MAGI1: variants seen among roughly 807,000 people sequenced by gnomAD.
MAGI1 encodes the protein membrane associated guanylate kinase, WW and PDZ domain containing 1, also known as membrane-associated guanylate kinase, WW and PDZ domain-containing protein 1.
A neutral mutation model predicts 139.9 loss-of-function variants in MAGI1; 58 were observed. That is an observed-to-expected ratio of 0.41 (90% CI 0.34 to 0.52). MAGI1 has a LOEUF of 0.52. Among genes scored for constraint, MAGI1 ranks in the 20% least tolerant of loss-of-function variants. MAGI1 has a pLI of 0.12. For missense variants in MAGI1, 1,874 were observed against 1,901.6 expected (o/e 0.99, Z 0.27); for synonymous variants, 812 against 737.9 (o/e 1.10, Z -1.63).
intron 1 of MAGI1, among the ~76,000 whole-genome samples, chr3:65,936,780 G>A (rs965397601): frequency 2.0e-5 from 3 of 152,096 alleles, no homozygotes; most frequent in East Asian, 3.9e-4. Context: ...CATCGAGGCT[G>A]GAGTACAGTA....
At chr3:65,370,585 C>T (rs1367377449) in intron 18 of MAGI1, among the ~76,000 whole-genome samples, 2 of 152,028 alleles carry the variant, frequency 1.3e-5, no homozygotes, top group African/African-American at 4.8e-5. Context: ...TTGGATAATC[C>T]ACCTTGCATG....
chr3:65,604,816 T>C (rs912180445), intron 2 of MAGI1, among the ~76,000 whole-genome samples: 2 of 151,980 alleles, frequency 1.3e-5, no homozygotes, highest in Admixed American at 1.3e-4. Context: ...TAAACAAAAT[T>C]CCTATGACTG....
intron 1 of MAGI1, among the ~76,000 whole-genome samples, chr3:65,944,915 T>C (rs577772125): frequency 5.1e-4 from 77 of 152,328 alleles, no homozygotes; most frequent in African/African-American, 1.8e-3. Context: ...AAATATTCAT[T>C]ATGTAATATT....
intron 22 of MAGI1, chr3:65,360,904 G>A: frequency 2.9e-6 from 4 of 1,358,490 alleles, no homozygotes; most frequent in Non-Finnish European, 3.8e-6. Flanking sequence ...GTTTGGCACA[G>A]TACAAACAAA....
chr3:65,373,732 G>C, intron 18 of MAGI1, among the ~76,000 whole-genome samples: 1 of 152,104 alleles, frequency 6.6e-6, no homozygotes, highest in East Asian at 1.9e-4. Context: ...TTCCTAAATT[G>C]TAACAGCTTT....
At chr3:65,708,259 A>C (rs2030735695) in intron 1 of MAGI1, among the ~76,000 whole-genome samples, 1 of 152,208 alleles carries the variant, frequency 6.6e-6, no homozygotes, top group Admixed American at 6.5e-5. Context: ...TGAATTGTTA[A>C]AAGAATAAAG....
rs562453344 is a variant in MAGI1, at chr3:65,989,188, G to A, written c.313+48808C>T. On this transcript the variant is annotated intron_variant, in intron 1 of 22. Transcript: ENST00000402939. ...ATATAACCAGTAAGCCTCAAACATG[G>A]AAGATTTTAAGAGGATTTATATAGA... is the stretch of plus-strand genomic sequence containing the variant. Among the ~76,000 whole-genome samples, 3 of 152,300 alleles carry A rather than the reference G, an allele frequency of 2.0e-5. No individual in the cohort carries two copies. In the South Asian group the frequency reaches 6.2e-4, roughly 32 times the overall value.
chr3:65,510,488 C>G (rs1341754211), intron 2 of MAGI1, among the ~76,000 whole-genome samples: 6 of 148,532 alleles, frequency 4.0e-5, no homozygotes, highest in African/African-American at 1.5e-4. Flanking sequence ...AACCAAGGCT[C>G]GAGAACTACG....
At chr3:65,423,810 A>G (rs764684070) in intron 12 of MAGI1, among the ~76,000 whole-genome samples, 3 of 152,212 alleles carry the variant, frequency 2.0e-5, no homozygotes, top group Non-Finnish European at 4.4e-5. Context: ...ATGATATGTA[A>G]AATGTCTAGA....
chr3:66,005,132 C>T (rs1239944508), intron 1 of MAGI1, among the ~76,000 whole-genome samples: 2 of 152,062 alleles, frequency 1.3e-5, no homozygotes, highest in Non-Finnish European at 2.9e-5. Context: ...TAATGGATCA[C>T]AGAGGGCAGC....
At chr3:65,647,683 ATTTGATAAGATTCAACATTCTT>A (rs761197680) in intron 1 of MAGI1, among the ~76,000 whole-genome samples, 3 of 152,244 alleles carry the variant, frequency 2.0e-5, no homozygotes, top group Non-Finnish European at 2.9e-5. Context: ...ATTTAAAAGT[ATTTGATAAGATTCAACATTCTT>A]TTATGACAAA....
intron 12 of MAGI1, among the ~76,000 whole-genome samples, chr3:65,409,304 A>C: frequency 6.6e-6 from 1 of 152,188 alleles, no homozygotes; most frequent in East Asian, 1.9e-4. Flanking sequence ...AGAAGGGAGC[A>C]CTGTTGCTTT....
intron 1 of MAGI1, among the ~76,000 whole-genome samples, chr3:65,879,324 T>C (rs917640086): frequency 6.6e-6 from 1 of 151,920 alleles, no homozygotes; most frequent in African/African-American, 2.4e-5. Context: ...CTAAGGACAG[T>C]GGAAGACCTG....
intron 1 of MAGI1, among the ~76,000 whole-genome samples, chr3:65,712,765 G>C (rs559607268): frequency 3.9e-5 from 6 of 152,252 alleles, no homozygotes; most frequent in African/African-American, 1.4e-4. Flanking sequence ...ACCCACCTCG[G>C]TCTCCCAAAG....
intron 2 of MAGI1, among the ~76,000 whole-genome samples, chr3:65,554,920 T>C (rs943831568): frequency 3.9e-5 from 6 of 152,300 alleles, no homozygotes; most frequent in Admixed American, 3.3e-4. Flanking sequence ...AAAAGGACAT[T>C]AGTGGAGGGG....
chr3:65,962,285 ATT>A lies in MAGI1; in HGVS notation c.313+75709_313+75710del, dbSNP rs553825279. Among the ~76,000 whole-genome samples the A allele has an allele frequency of 3.5e-3, 522 of 150,078 alleles. 1 individual carries two copies. Among genetic ancestry groups the A allele is most frequent in the Middle Eastern group, 0.017 (5 of 288 alleles). On this transcript the variant is annotated intron_variant, in intron 1 of 22. Transcript: ENST00000402939. ...AGGCACCCGCCACCATGCCCGGCTA[ATT>A]TTTTTTTGTATTTTTAGTAGAGACG...
At chr3:66,009,371 G>A (rs539322503) in intron 1 of MAGI1, among the ~76,000 whole-genome samples, 20 of 152,206 alleles carry the variant, frequency 1.3e-4, no homozygotes, top group African/African-American at 4.3e-4. Context: ...TTAGCCGGGC[G>A]TGGTGGCCGG....
chr3:65,509,714 A>G lies in MAGI1; in HGVS notation c.431-16083T>C, dbSNP rs908738880. Among the ~76,000 whole-genome samples, 29 of 152,172 alleles carry G rather than the reference A, an allele frequency of 1.9e-4. No individual in the cohort carries two copies. The South Asian group carries it at 3.9e-3, about 21-fold the overall frequency. On this transcript the variant is annotated intron_variant, in intron 2 of 22. Coordinates refer to ENST00000402939, the MANE Select transcript of MAGI1 (RefSeq NM_001033057.2). ...TCTGAGATCAAACTGCAAGGCGGCA[A>G]CGAGGCTGGGGGAGGGGCGCCCGCC...
At chr3:65,375,350 G>A (rs913319619) in intron 18 of MAGI1, among the ~76,000 whole-genome samples, 18 of 152,024 alleles carry the variant, frequency 1.2e-4, no homozygotes, top group Non-Finnish European at 2.1e-4. Context: ...CACCGCGCCC[G>A]GCTAATTTTT....
Sources: gnomAD v4.1 joint callset for allele counts (sites outside exome capture counted in the v4.1 genomes callset) on GRCh38, gnomAD v4.1.1 for gene constraint, MANE v1.5 for transcripts, NCBI Gene and HGNC (gene_info 2026-07-23, HGNC 2026-07-21) for gene names.